The following MBTD1 variants were observed in gnomAD, a reference collection of about 807,000 sequenced individuals.
The protein encoded by MBTD1 is MBT domain-containing protein 1.
In MBTD1, 24 loss-of-function variants were observed where a neutral mutation model predicts 87.8. The observed-to-expected ratio is 0.27, with a 90% CI of 0.20 to 0.38. The LOEUF (loss-of-function observed/expected upper bound fraction) is 0.38, where lower values mean the gene tolerates loss of function less well. Among genes scored for constraint, MBTD1 ranks in the 10% least tolerant of loss-of-function variants. MBTD1 has a pLI of 1.00. For missense variants in MBTD1, 436 were observed against 760.2 expected (o/e 0.57, Z 5.02); for synonymous variants, 237 against 248.6 (o/e 0.95, Z 0.44).
At chr17:51,241,573 G>C (rs2054163202) in intron 2 of MBTD1, among the ~76,000 whole-genome samples, 1 of 151,656 alleles carries the variant, frequency 6.6e-6, no homozygotes, top group South Asian at 2.1e-4. Flanking sequence ...TTTCAATGTT[G>C]TATTTTTTTT....
intron 12 of MBTD1, among the ~76,000 whole-genome samples, chr17:51,197,028 A>C (rs2051150789): frequency 1.7e-5 from 2 of 114,316 alleles, no homozygotes; most frequent in African/African-American, 7.0e-5. Context: ...TTTATCTATT[A>C]TTATATATAC....
intron 7 of MBTD1, 21 bp downstream of exon 7, chr17:51,206,867 A>G: frequency 1.4e-6 from 2 of 1,455,482 alleles, no homozygotes; most frequent in Non-Finnish European, 1.9e-6. Flanking sequence ...TTTCTACTAA[A>G]CTATTATTCA....
intron 6 of MBTD1, among the ~76,000 whole-genome samples, chr17:51,216,448 A>C (rs1293558771): frequency 1.3e-5 from 2 of 152,234 alleles, no homozygotes; most frequent in Non-Finnish European, 2.9e-5. Context: ...TTTAAACATA[A>C]TTCTAAATTA....
At chr17:51,211,554 C>T (rs938865846) in intron 6 of MBTD1, among the ~76,000 whole-genome samples, 1 of 150,690 alleles carries the variant, frequency 6.6e-6, no homozygotes, top group African/African-American at 2.4e-5. Flanking sequence ...ATGTTAGAGT[C>T]CACTGCTTTC....
chr17:51,240,952 G>C (rs746687591), intron 2 of MBTD1, among the ~76,000 whole-genome samples: 1 of 152,062 alleles, frequency 6.6e-6, no homozygotes, highest in Non-Finnish European at 1.5e-5. Flanking sequence ...GAGGCACGAG[G>C]TCCATCCACC....
At chr17:51,226,991 C>G (rs1227143219) in intron 2 of MBTD1, among the ~76,000 whole-genome samples, 1 of 151,804 alleles carries the variant, frequency 6.6e-6, no homozygotes, top group Non-Finnish European at 1.5e-5. Context: ...GCCTGTAATC[C>G]CAGTACTTCG....
chr17:51,195,913 A>G (rs1483049882), intron 12 of MBTD1, among the ~76,000 whole-genome samples: 1 of 151,854 alleles, frequency 6.6e-6, no homozygotes, highest in Non-Finnish European at 1.5e-5. Context: ...CAAGTACCCA[A>G]CTCTCCCTTT....
At chr17:51,201,274 A>G (rs1263533098) in intron 12 of MBTD1, among the ~76,000 whole-genome samples, 1 of 152,216 alleles carries the variant, frequency 6.6e-6, no homozygotes, top group Non-Finnish European at 1.5e-5. Flanking sequence ...AACACAGGAA[A>G]CTGAAGATAA....
At chr17:51,196,785 G>C (rs2051132536) in intron 12 of MBTD1, among the ~76,000 whole-genome samples, 1 of 151,650 alleles carries the variant, frequency 6.6e-6, no homozygotes. Context: ...CAGCTACTTA[G>C]GAGGCTGAGG....
At chr17:51,210,519 G>A (rs1430662254) in intron 6 of MBTD1, among the ~76,000 whole-genome samples, 2 of 152,082 alleles carry the variant, frequency 1.3e-5, no homozygotes, top group East Asian at 1.9e-4. Flanking sequence ...ACTTTGGGAG[G>A]CTGAGGCAGG....
chr17:51,198,889 A>G (rs1374542707), intron 12 of MBTD1, among the ~76,000 whole-genome samples: 1 of 151,578 alleles, frequency 6.6e-6, no homozygotes, highest in African/African-American at 2.4e-5. Flanking sequence ...TGCAACCTCC[A>G]CCTCCCAGGT....
At chr17:51,193,781 G>C (rs1420166986) in intron 13 of MBTD1, among the ~76,000 whole-genome samples, 1 of 152,132 alleles carries the variant, frequency 6.6e-6, no homozygotes, top group Non-Finnish European at 1.5e-5. Flanking sequence ...ACTGTGACAG[G>C]CTAATTTTTT....
chr17:51,203,420 T>C (rs2051609570), intron 8 of MBTD1, among the ~76,000 whole-genome samples, 192 bp from the exon 9 acceptor site: 1 of 151,904 alleles, frequency 6.6e-6, no homozygotes, highest in Non-Finnish European at 1.5e-5. Flanking sequence ...TTTTAATTTC[T>C]TTCTTTTTTT....
intron 2 of MBTD1, among the ~76,000 whole-genome samples, chr17:51,254,454 C>T (rs1013797053): frequency 1.6e-4 from 24 of 152,218 alleles, no homozygotes; most frequent in African/African-American, 5.8e-4. Flanking sequence ...AAACCAAAAG[C>T]AATAATATTC....
rs535431627 is a variant in MBTD1 at position 51,197,981 on chromosome 17, C to T, written c.1225-2620G>A. Reference sequence around the variant, plus strand: ...TCTGTTTTGATGACCTCATCCACCCCAGTGCTACAATGATGAGCTTCTACA... The same window carrying T: ...TCTGTTTTGATGACCTCATCCACCCTAGTGCTACAATGATGAGCTTCTACA... On this transcript the variant is annotated intron_variant, in intron 12 of 16. Transcript: ENST00000586178. Among the ~76,000 whole-genome samples, 10 of 152,214 alleles carry T rather than the reference C, an allele frequency of 6.6e-5. No homozygotes were observed. In the South Asian group the frequency reaches 1.9e-3, roughly 28 times the overall value.
chr17:51,202,024 T>C lies in MBTD1; in HGVS notation c.1117A>G (p.Lys373Glu). The C allele has an allele frequency of 6.2e-7, 1 of 1,604,008 alleles. No individual in the cohort carries two copies. Residue 373 changes from lysine (K) to glutamate (E), a missense_variant and splice_region_variant, in exon 11 of 17, where the codon AAG becomes GAG. Physicochemically the swap from Lys to Glu is moderately conservative, Grantham distance 56. Transcript: ENST00000586178. ...GGGTTCTTATAAAAACTTCTTACCT[T>C]AGCAAATAAATGTGGTGGTGTATCA... ...HFDTPPHLFA[K>E]VKEVDQSGEW...
At chr17:51,220,522 T>C (rs1598367001) in intron 3 of MBTD1, 59 bp from the exon 4 acceptor site, 2 of 1,406,594 alleles carry the variant, frequency 1.4e-6, no homozygotes, top group Non-Finnish European at 1.9e-6. Context: ...AATCTTCATC[T>C]AACAGTTTAA....
intron 6 of MBTD1, among the ~76,000 whole-genome samples, chr17:51,213,478 T>C (rs959026593): frequency 6.6e-6 from 1 of 152,108 alleles, no homozygotes; most frequent in African/African-American, 2.4e-5. Context: ...TGTATTACTA[T>C]TTTGGAGATT....
At chr17:51,231,783 T>G (rs534553502) in intron 2 of MBTD1, among the ~76,000 whole-genome samples, 233 of 151,926 alleles carry the variant, frequency 1.5e-3, no homozygotes, top group African/African-American at 5.5e-3. Context: ...TTTATTCTAT[T>G]TAGGCAATGT....
Sources: allele counts gnomAD v4.1 joint callset (sites outside exome capture counted in the v4.1 genomes callset), GRCh38; gene constraint gnomAD v4.1.1; transcripts MANE v1.5; gene names NCBI Gene and HGNC (gene_info 2026-07-23, HGNC 2026-07-21).